The following SLC28A1 variants were observed in gnomAD, a reference collection of about 807,000 sequenced individuals.
SLC28A1 encodes the protein sodium/nucleoside cotransporter 1.
In SLC28A1, 64 loss-of-function variants were observed where a neutral mutation model predicts 74.8. That is an observed-to-expected ratio of 0.86 (90% CI 0.70 to 1.05). The LOEUF (loss-of-function observed/expected upper bound fraction) is 1.05. SLC28A1 is among the 50% of genes least tolerant of loss of function. The pLI is 0.00. For missense variants in SLC28A1, 828 were observed against 822.8 expected (o/e 1.01, Z -0.08); for synonymous variants, 359 against 335.0 (o/e 1.07, Z -0.78).
chr15:84,900,383 C>T (rs1433184695), intron 6 of SLC28A1, among the ~76,000 whole-genome samples: 1 of 103,068 alleles, frequency 9.7e-6, no homozygotes, highest in Non-Finnish European at 1.8e-5. Flanking sequence ...GCCTGGGAGA[C>T]AGAGTGAGAC....
rs754483260 is a variant in SLC28A1, at chr15:84,908,723, C to G, written c.723C>G (p.Phe241Leu). ...GTTTTGCTTTTTTCTTTCAGATCTT[C>G]CTGAGCTACACGAAGGCTGGCTCCA... ...FEWLGEQIRI[F>L]LSYTKAGSSF... The change falls in exon 9 of 19, where the codon TTC becomes TTG. Residue 241 changes from phenylalanine (F) to leucine (L), a missense_variant. Transcript: ENST00000394573. 5.6e-6 allele frequency: 9 copies of G among 1,613,514 alleles called. No individual in the cohort carries two copies. The African/African-American group carries it at 6.7e-5, about 12-fold the overall frequency.
chr15:84,973,557 G>A, the SLC28A1 span, among the ~76,000 whole-genome samples: 2 of 152,154 alleles, frequency 1.3e-5, no homozygotes, highest in Non-Finnish European at 2.9e-5. Context: ...TGCTGGGCAT[G>A]CAGACAGTGA....
At chr15:84,899,066 G>C (rs567788834) in intron 6 of SLC28A1, among the ~76,000 whole-genome samples, 9 of 152,064 alleles carry the variant, frequency 5.9e-5, no homozygotes, top group Admixed American at 5.9e-4. Context: ...GGAGAAGAGG[G>C]AATCATACCT....
the SLC28A1 span, among the ~76,000 whole-genome samples, chr15:84,969,259 C>T: frequency 1.3e-5 from 2 of 152,108 alleles, no homozygotes; most frequent in African/African-American, 2.4e-5. Flanking sequence ...AGGTTGCCAC[C>T]ACGGGCCAGG....
chr15:84,974,361 G>A, the SLC28A1 span, among the ~76,000 whole-genome samples: 5 of 152,198 alleles, frequency 3.3e-5, no homozygotes, highest in African/African-American at 7.2e-5. Flanking sequence ...GCACAGTGGA[G>A]ACATTCTGGG....
intron 11 of SLC28A1, among the ~76,000 whole-genome samples, chr15:84,922,387 G>A (rs1445295732): frequency 6.6e-6 from 1 of 151,980 alleles, no homozygotes; most frequent in Non-Finnish European, 1.5e-5. Flanking sequence ...TCCCCTCTTG[G>A]CAAGTGGGAA....
intron 12 of SLC28A1, among the ~76,000 whole-genome samples, chr15:84,928,578 CTTTCTTTCTTTCTTT>C (rs1970830222): frequency 4.1e-5 from 1 of 24,362 alleles, no homozygotes; most frequent in African/African-American, 4.2e-4. Context: ...TTCTTTCTTT[CTTTCTTTCTTTCTTT>C]CTTTCTTTCT....
intron 11 of SLC28A1, among the ~76,000 whole-genome samples, chr15:84,921,796 A>T (rs1198900041): frequency 1.3e-5 from 2 of 152,318 alleles, no homozygotes; most frequent in Middle Eastern, 3.4e-3. Context: ...TTTTTAGCCG[A>T]TGAAGATAGA....
intron 9 of SLC28A1, among the ~76,000 whole-genome samples, chr15:84,912,096 G>A (rs1293441400): frequency 6.6e-6 from 1 of 152,162 alleles, no homozygotes; most frequent in Non-Finnish European, 1.5e-5. Context: ...AGCAATGCCA[G>A]GAAAGAGGAA....
In SLC28A1 at chr15:84,935,442, A is replaced by G. The variant is rs1413305250; in HGVS notation, c.1505A>G (p.Gln502Arg). 3 of 1,614,104 alleles carry G rather than the reference A, an allele frequency of 1.9e-6. No individual in the cohort carries two copies. The highest frequency in any genetic ancestry group is 2.5e-6 in the Non-Finnish European group (3 of 1,180,040). The change falls in exon 15 of 19, where the codon CAA (glutamine) becomes CGA (arginine). Residue 502 changes from glutamine to arginine, a missense_variant. Around this residue, in one of 3 missense-constraint regions of SLC28A1, gnomAD observed 767 missense variants for 753.5 expected, o/e 1.02. Transcript: ENST00000394573. ...TTTCTGAACGAGTTTGTGGCCTATCAAGACCTCTCCAAGTACAAGCAACGC... is the reference window on the plus strand; with the variant it reads ...TTTCTGAACGAGTTTGTGGCCTATCGAGACCTCTCCAAGTACAAGCAACGC... ...KLFLNEFVAY[Q>R]DLSKYKQRRL...
chr15:84,895,525 C>T lies in SLC28A1; in HGVS notation c.461+402C>T, dbSNP rs1363210234. The T allele has an allele frequency of 3.6e-5, 56 of 1,560,650 alleles. No homozygotes were observed. In the East Asian group the frequency reaches 1.3e-3, roughly 36 times the overall value. On this transcript the variant is annotated intron_variant, in intron 6 of 18. Coordinates refer to ENST00000394573, the MANE Select transcript of SLC28A1 (RefSeq NM_004213.5). Reference sequence around the variant, plus strand: ...TCCAGGTGCTGGTATTTTTCATTAGCCTCCAGGGGATTCTGATGTAGCCAG... The same window carrying T: ...TCCAGGTGCTGGTATTTTTCATTAGTCTCCAGGGGATTCTGATGTAGCCAG...
chr15:84,966,966 A>G, the SLC28A1 span, among the ~76,000 whole-genome samples: 1 of 148,150 alleles, frequency 6.7e-6, no homozygotes, highest in African/African-American at 2.5e-5. Context: ...TTTTTAAGAG[A>G]TGGGGGGTCT....
chr15:84,975,440 T>G, the SLC28A1 span: 1 of 455,536 alleles, frequency 2.2e-6, no homozygotes, highest in African/African-American at 2.0e-5. Context: ...CAGCGATGGT[T>G]GTTGCCCCTC....
the SLC28A1 span, among the ~76,000 whole-genome samples, chr15:84,954,587 G>A: frequency 1.3e-5 from 2 of 152,188 alleles, no homozygotes; most frequent in African/African-American, 2.4e-5. Context: ...AGGCAACTGA[G>A]ACGTGGAGAA....
At chr15:84,926,625 A>G (rs1596322397) in intron 12 of SLC28A1, 1 of 449,058 alleles carries the variant, frequency 2.2e-6, no homozygotes, top group African/African-American at 2.0e-5. Flanking sequence ...AAAACTGGAC[A>G]GCCTAAATGC....
At chr15:84,906,293 T>C (rs1967099164) in intron 8 of SLC28A1, among the ~76,000 whole-genome samples, 1 of 151,912 alleles carries the variant, frequency 6.6e-6, no homozygotes, top group Admixed American at 6.6e-5. Context: ...GTGCTGGGAT[T>C]ACAGGTGTAA....
chr15:84,955,152 G>T, the SLC28A1 span, among the ~76,000 whole-genome samples: 4 of 152,132 alleles, frequency 2.6e-5, no homozygotes, highest in Non-Finnish European at 5.9e-5. Context: ...TGCCAGACAC[G>T]AGCGAAAAAG....
At chr15:84,950,332 G>C (rs1349651545), downstream of SLC28A1, among the ~76,000 whole-genome samples, 1 of 148,788 alleles carries the variant, frequency 6.7e-6, no homozygotes, top group Admixed American at 6.7e-5. Context: ...TAGAAAGACA[G>C]CTGGCTGTCC....
rs950866980 is a variant in SLC28A1 at position 84,945,258 on chromosome 15, C to G, written c.*58C>G. On this transcript the variant is annotated 3_prime_UTR_variant, in exon 19 of 19. Coordinates refer to ENST00000394573, the MANE Select transcript of SLC28A1 (RefSeq NM_004213.5). ...AGGGCTGTTCTCCCCCGGGAACCAT[C>G]TGTCCCCACCTTCCCTTTCCCAGAG... The G allele has an allele frequency of 2.3e-5, 35 of 1,495,832 alleles. 1 individual carries two copies. The highest frequency in any genetic ancestry group is 3.1e-5 in the Non-Finnish European group (33 of 1,073,214). The allele number at this position is 1,495,832 out of a possible 1,614,324, so 92.7% of individuals were successfully genotyped here.
Sources: allele counts gnomAD v4.1 joint callset (sites outside exome capture counted in the v4.1 genomes callset), GRCh38; gene constraint gnomAD v4.1.1; regional missense constraint gnomAD v4.1.1; transcripts MANE v1.5; gene names NCBI Gene and HGNC (gene_info 2026-07-23, HGNC 2026-07-21).